CADPS: variants seen among roughly 807,000 people sequenced by gnomAD.
CADPS encodes calcium dependent secretion activator.
CADPS carries 57 observed loss-of-function variants against 167.3 expected under a neutral mutation model. The observed-to-expected ratio is 0.34, with a 90% CI of 0.28 to 0.42. The LOEUF is 0.42. Ranked by LOEUF, CADPS falls within the 20% of genes least tolerant of loss-of-function variation. The pLI is 1.00. For synonymous variants in CADPS, 676 were observed against 635.3 expected, an observed-to-expected ratio of 1.06 and a Z score of -0.96; for missense variants, 1,414 against 1,738.1, an observed-to-expected ratio of 0.81 and a Z score of 3.32.
intron 26 of CADPS, among the ~76,000 whole-genome samples, chr3:62,461,368 T>C (rs1049832738): frequency 2.6e-5 from 4 of 152,172 alleles, no homozygotes; most frequent in African/African-American, 9.6e-5. Context: ...CACAGCTCCT[T>C]GGTAAGGGGC....
intron 24 of CADPS, among the ~76,000 whole-genome samples, chr3:62,472,718 C>G (rs2060774579): frequency 6.6e-6 from 1 of 152,208 alleles, no homozygotes; most frequent in African/African-American, 2.4e-5. Context: ...AATAGTGCTA[C>G]CATTTTACAG....
At chr3:62,656,625 C>A (rs1397221122) in intron 4 of CADPS, among the ~76,000 whole-genome samples, 1 of 152,150 alleles carries the variant, frequency 6.6e-6, no homozygotes, top group African/African-American at 2.4e-5. Context: ...GCTGAGCCCT[C>A]CACAGCAATG....
At chr3:62,692,370 A>T (rs1309230875) in intron 3 of CADPS, among the ~76,000 whole-genome samples, 1 of 110,400 alleles carries the variant, frequency 9.1e-6, no homozygotes, top group African/African-American at 3.5e-5. Context: ...AATGCCTTGC[A>T]CACTTATGAG....
intron 7 of CADPS, among the ~76,000 whole-genome samples, chr3:62,588,462 C>G (rs1265365109): frequency 6.6e-6 from 1 of 152,024 alleles, no homozygotes; most frequent in Non-Finnish European, 1.5e-5. Context: ...GGCCTACAAT[C>G]CTATAATATT....
At chr3:62,646,496 G>T (rs2068624547) in intron 5 of CADPS, among the ~76,000 whole-genome samples, 1 of 152,152 alleles carries the variant, frequency 6.6e-6, no homozygotes, top group Non-Finnish European at 1.5e-5. Flanking sequence ...TTTAAAAATA[G>T]TCTGGCTTTT....
rs2054302713 is a variant in CADPS at position 62,433,143 on chromosome 3, A to G, written c.3777+4961T>C. On this transcript the variant is annotated intron_variant, in intron 28 of 29. Coordinates refer to ENST00000383710, the MANE Select transcript of CADPS (RefSeq NM_003716.4). The surrounding 1 kb of genome is among the most constrained non-coding windows in gnomAD (Gnocchi z 4.7). ...CTTTGATTGATATATGCTCACATGT[A>G]TGGTGCTTTAGTAATTTAATAAGGT... is the stretch of plus-strand genomic sequence containing the variant. Among the ~76,000 whole-genome samples, 2 of 152,138 alleles carry G rather than the reference A, an allele frequency of 1.3e-5. No individual in the cohort carries two copies. Among genetic ancestry groups the G allele is most frequent in the South Asian group, 4.1e-4 (2 of 4,824 alleles).
chr3:62,521,525 C>G (rs1007542474), intron 13 of CADPS, among the ~76,000 whole-genome samples: 1 of 152,170 alleles, frequency 6.6e-6, no homozygotes, highest in African/African-American at 2.4e-5. Context: ...TTAAAACTAG[C>G]TCTGCATCTT....
At chr3:62,720,812 GTTT>G (rs563508603) in intron 3 of CADPS, among the ~76,000 whole-genome samples, 3 of 136,026 alleles carry the variant, frequency 2.2e-5, no homozygotes, top group East Asian at 2.2e-4. Flanking sequence ...TATATTGTTA[GTTT>G]TTTTTTTTTT....
chr3:62,697,709 T>C (rs2080599146), intron 3 of CADPS, among the ~76,000 whole-genome samples: 1 of 152,164 alleles, frequency 6.6e-6, no homozygotes, highest in South Asian at 2.1e-4. Context: ...TTGCACTAGT[T>C]TACATTCCTA....
intron 28 of CADPS, among the ~76,000 whole-genome samples, chr3:62,429,505 T>C (rs1018402901): frequency 6.6e-6 from 1 of 152,242 alleles, no homozygotes; most frequent in African/African-American, 2.4e-5. Context: ...GAGAAATAGT[T>C]ACTTGTTTAA....
chr3:62,704,115 G>A (rs1456444597), intron 3 of CADPS, among the ~76,000 whole-genome samples: 1 of 152,160 alleles, frequency 6.6e-6, no homozygotes, highest in Non-Finnish European at 1.5e-5. Flanking sequence ...TGCTTACTTG[G>A]AGCTTACATT....
At chr3:62,571,007 C>T (rs1359871294) in intron 8 of CADPS, 69 bp from the exon 9 acceptor site, 21 of 1,050,386 alleles carry the variant, frequency 2.0e-5, no homozygotes, top group South Asian at 6.4e-5. Flanking sequence ...CACACTTTGC[C>T]GTGAAGCTTG....
intron 1 of CADPS, among the ~76,000 whole-genome samples, chr3:62,812,406 C>A (rs1303763120): frequency 6.6e-6 from 1 of 152,172 alleles, no homozygotes; most frequent in Non-Finnish European, 1.5e-5. Flanking sequence ...TTAGTGAGTA[C>A]TAGAGCTGAA....
intron 1 of CADPS, among the ~76,000 whole-genome samples, chr3:62,787,655 A>G (rs1192856125): frequency 2.6e-5 from 4 of 152,194 alleles, no homozygotes; most frequent in African/African-American, 9.6e-5. Context: ...CTTGGAAACC[A>G]TGGATATAGT....
At chr3:62,557,829 T>C (rs931134376) in intron 9 of CADPS, among the ~76,000 whole-genome samples, 2 of 152,222 alleles carry the variant, frequency 1.3e-5, no homozygotes, top group Non-Finnish European at 2.9e-5. Context: ...GCTATTATCA[T>C]TATTGCTTTT....
At chr3:62,580,620 A>G (rs547276393) in intron 8 of CADPS, among the ~76,000 whole-genome samples, 4 of 151,982 alleles carry the variant, frequency 2.6e-5, no homozygotes, top group Non-Finnish European at 4.4e-5. Flanking sequence ...AGAGGCAAGA[A>G]AAAAACCACT....
intron 6 of CADPS, among the ~76,000 whole-genome samples, chr3:62,597,168 T>G (rs1199859150): frequency 1.3e-5 from 2 of 152,070 alleles, no homozygotes; most frequent in Non-Finnish European, 2.9e-5. Context: ...AGGCTTTTTA[T>G]TTTTTCTACA....
At chr3:62,855,414 T>A (rs2079488097) in intron 1 of CADPS, among the ~76,000 whole-genome samples, 1 of 152,124 alleles carries the variant, frequency 6.6e-6, no homozygotes, top group African/African-American at 2.4e-5. Context: ...TTTTAAAGTT[T>A]ACGTACTATG....
intron 1 of CADPS, among the ~76,000 whole-genome samples, chr3:62,823,573 GA>G (rs2073425913): frequency 1.3e-5 from 2 of 152,158 alleles, no homozygotes; most frequent in Admixed American, 1.3e-4. Flanking sequence ...CAAAGAGGGG[GA>G]AAGATCAATG....
Sources: gnomAD v4.1 joint callset for allele counts (sites outside exome capture counted in the v4.1 genomes callset) on GRCh38, gnomAD v4.1.1 for gene constraint, Gnocchi (gnomAD v3.1) non-coding constraint, MANE v1.5 for transcripts, NCBI Gene and HGNC (gene_info 2026-07-23, HGNC 2026-07-21) for gene names.